The following ANKRD28 variants were observed in gnomAD, a reference collection of about 807,000 sequenced individuals.
ANKRD28 encodes ankyrin repeat domain 28.
A neutral mutation model predicts 126.5 loss-of-function variants in ANKRD28; 44 were observed. The observed-to-expected ratio is 0.35, with a 90% confidence interval of 0.27 to 0.45. ANKRD28 has a LOEUF of 0.45. Among genes scored for constraint, ANKRD28 ranks in the 20% least tolerant of loss-of-function variants. The pLI is 1.00. For missense variants in ANKRD28, 1,110 were observed against 1,316.6 expected (o/e 0.84, Z 2.43); for synonymous variants, 442 against 468.5 (o/e 0.94, Z 0.73).
At chr3:15,690,838 A>C (rs999025271) in intron 17 of ANKRD28, among the ~76,000 whole-genome samples, 1 of 152,084 alleles carries the variant, frequency 6.6e-6, no homozygotes, top group African/African-American at 2.4e-5. Context: ...TCAAAGTGCT[A>C]GGAATACAGG....
intron 1 of ANKRD28, among the ~76,000 whole-genome samples, chr3:15,834,215 C>A (rs1037444117): frequency 2.0e-5 from 3 of 152,124 alleles, no homozygotes; most frequent in African/African-American, 7.2e-5. Context: ...GCTCTTTAAT[C>A]CATCTTGAGT....
intron 4 of ANKRD28, among the ~76,000 whole-genome samples, chr3:15,750,146 A>C (rs538010668): frequency 1.1e-4 from 17 of 152,342 alleles, no homozygotes; most frequent in Admixed American, 1.0e-3. Flanking sequence ...CTGTTTTACA[A>C]CTTCTGCAAA....
At chr3:15,835,314 G>A (rs2061298426) in intron 1 of ANKRD28, among the ~76,000 whole-genome samples, 1 of 152,112 alleles carries the variant, frequency 6.6e-6, no homozygotes, top group Non-Finnish European at 1.5e-5. Flanking sequence ...ATGCTATCAT[G>A]GTTCCCATTC....
intron 4 of ANKRD28, among the ~76,000 whole-genome samples, chr3:15,740,260 T>C (rs2075355046): frequency 6.6e-6 from 1 of 152,220 alleles, no homozygotes; most frequent in Admixed American, 6.5e-5. Context: ...GGGAACTTGC[T>C]GGGGTAACAG....
rs58088117 is a variant in ANKRD28, at chr3:15,703,746, G to C, written c.1547+4178C>G. 4.1e-3 allele frequency among the ~76,000 whole-genome samples: 618 copies of C among 152,294 alleles called. 1 individual carries two copies. The highest frequency in any genetic ancestry group is 0.023 in the East Asian group (118 of 5,188). ...TTGCTGAAACAAATATCTAAAATGT[G>C]GAAGAGGTTTTGGAACTGGGTAATG... On this transcript the variant is annotated intron_variant, in intron 14 of 27. Transcript: ENST00000683139.
At chr3:15,795,902 T>C (rs769673519) in intron 1 of ANKRD28, among the ~76,000 whole-genome samples, 1 of 152,130 alleles carries the variant, frequency 6.6e-6, no homozygotes, top group East Asian at 1.9e-4. Flanking sequence ...ATACAGCCTC[T>C]TGATAAGGTA....
chr3:15,771,401 C>T (rs2058997865), intron 2 of ANKRD28, among the ~76,000 whole-genome samples: 1 of 121,050 alleles, frequency 8.3e-6, no homozygotes. Flanking sequence ...CAGAGCAAAA[C>T]TCTGTCTCAA....
chr3:15,774,797 A>T (rs917040026), intron 2 of ANKRD28, among the ~76,000 whole-genome samples: 1 of 152,258 alleles, frequency 6.6e-6, no homozygotes, highest in Non-Finnish European at 1.5e-5. Flanking sequence ...AAAAGGGCTC[A>T]TATCCAGAAT....
intron 2 of ANKRD28, among the ~76,000 whole-genome samples, chr3:15,794,345 A>AAGATG (rs2060177835): frequency 6.6e-6 from 1 of 150,868 alleles, no homozygotes; most frequent in African/African-American, 2.4e-5. Flanking sequence ...AAAAGGAGGA[A>AAGATG]AGATGAGAGT....
intron 10 of ANKRD28, among the ~76,000 whole-genome samples, chr3:15,712,616 C>T (rs1280596664): frequency 6.6e-6 from 1 of 152,200 alleles, no homozygotes; most frequent in Non-Finnish European, 1.5e-5. Context: ...AAATTCACTA[C>T]CCTGTCACCC....
intron 1 of ANKRD28, among the ~76,000 whole-genome samples, chr3:15,810,499 A>G (rs928505536): frequency 5.9e-5 from 9 of 152,054 alleles, no homozygotes; most frequent in African/African-American, 2.2e-4. Flanking sequence ...CAGTGAAACT[A>G]TATCTAATAT....
chr3:15,745,777 C>T (rs9829397), intron 4 of ANKRD28, among the ~76,000 whole-genome samples: 8,267 of 152,008 alleles, frequency 0.054, 651 homozygotes, highest in African/African-American at 0.17. Flanking sequence ...GAGAAATGCA[C>T]TGAATTTGTA....
chr3:15,859,580 C>CCCGCCGCCGCCGCCGCCGCCGCCG (rs564654804), exon 1 of ANKRD28: 1 of 222,778 alleles, frequency 4.5e-6, no homozygotes, highest in Non-Finnish European at 7.5e-6. Context: ...TCCCCGGCCG[C>CCCGCCGCCGCCGCCGCCGCCGCCG]CCGCCGCCGC....
At chr3:15,753,354 TG>T (rs2057973715) in intron 3 of ANKRD28, among the ~76,000 whole-genome samples, 1 of 152,256 alleles carries the variant, frequency 6.6e-6, no homozygotes, top group Admixed American at 6.5e-5. Context: ...GTTTGCCAGC[TG>T]GAAGCTGGAA....
intron 6 of ANKRD28, among the ~76,000 whole-genome samples, chr3:15,730,358 T>C (rs2074492870): frequency 1.3e-5 from 2 of 151,928 alleles, no homozygotes; most frequent in African/African-American, 4.8e-5. Flanking sequence ...GGAGATGAGG[T>C]GGGGCGCTAG....
chr3:15,712,732 T>G (rs1035907251), intron 10 of ANKRD28, among the ~76,000 whole-genome samples: 2 of 152,178 alleles, frequency 1.3e-5, no homozygotes, highest in African/African-American at 4.8e-5. Context: ...ATAAGGAGAA[T>G]GAATATATTG....
intron 27 of ANKRD28, among the ~76,000 whole-genome samples, chr3:15,673,246 T>C (rs1031510088): frequency 2.6e-5 from 4 of 152,262 alleles, no homozygotes; most frequent in African/African-American, 9.6e-5. Context: ...TCTATGCTTA[T>C]TCCAATTAAA....
rs2470548 is a variant in ANKRD28, at chr3:15,696,182, G to A, written c.1611C>T (p.Asn537=). Residue 537 remains asparagine (N), a synonymous_variant, in exon 15 of 28, where the codon AAC becomes AAT. Transcript: ENST00000683139. ...CATAAGCAGCTGAATAATGAACTGC[G>A]TTGTATCCTTGCTTATCACGGATCC... The part of the protein sequence containing the change: ...NPGIRDKQGY[N]AVHYSAAYGH... 0.58 allele frequency: 914,838 copies of A among 1,581,134 alleles called. 269,931 individuals carry two copies. Among genetic ancestry groups the A allele is most frequent in the Admixed American group, 0.63 (36,117 of 56,896 alleles).
At chr3:15,751,858 CATAA>C in intron 3 of ANKRD28, 38 bp from the exon 4 acceptor site, 4 of 1,317,354 alleles carry the variant, frequency 3.0e-6, no homozygotes, top group Non-Finnish European at 4.2e-6. Context: ...AAATATTGTA[CATAA>C]AATATTTTTA....
Sources: allele counts gnomAD v4.1 joint callset (sites outside exome capture counted in the v4.1 genomes callset), GRCh38; gene constraint gnomAD v4.1.1; transcripts MANE v1.5; gene names NCBI Gene and HGNC (gene_info 2026-07-23, HGNC 2026-07-21).